ANO2: variants seen among roughly 807,000 people sequenced by gnomAD.
ANO2 encodes the protein anoctamin-2.
A neutral mutation model predicts 124.2 loss-of-function variants in ANO2; 101 were observed. The observed-to-expected ratio is 0.81, with a 90% CI of 0.69 to 0.96. The LOEUF is 0.96. Among genes scored for constraint, ANO2 ranks in the 40% least tolerant of loss-of-function variants. The pLI is 0.00. For missense variants in ANO2, 1,293 were observed against 1,274.5 expected, an observed-to-expected ratio of 1.01 and a Z score of -0.22; for synonymous variants, 486 against 482.5, an observed-to-expected ratio of 1.01 and a Z score of -0.09.
intron 16 of ANO2, among the ~76,000 whole-genome samples, chr12:5,622,915 G>A (rs1199675260): frequency 6.7e-6 from 1 of 148,284 alleles, no homozygotes; most frequent in Non-Finnish European, 1.5e-5. Context: ...AGTGAGCTGA[G>A]ATCGTGCCAC....
intron 14 of ANO2, among the ~76,000 whole-genome samples, chr12:5,693,379 A>T (rs1313190870): frequency 6.6e-6 from 1 of 152,056 alleles, no homozygotes. Context: ...ATATTGAATG[A>T]TTTGCCTTTG....
At chr12:5,805,319 C>T (rs753674279) in intron 9 of ANO2, among the ~76,000 whole-genome samples, 2 of 152,148 alleles carry the variant, frequency 1.3e-5, no homozygotes, top group African/African-American at 4.8e-5. Context: ...ACCCTCCCAC[C>T]ATCGCCCACC....
At chr12:5,846,970 G>C (rs890503152) in intron 4 of ANO2, among the ~76,000 whole-genome samples, 21 of 152,222 alleles carry the variant, frequency 1.4e-4, no homozygotes, top group African/African-American at 4.8e-4. Flanking sequence ...GACTTGGAAA[G>C]TACAAGCCTT....
chr12:5,854,476 G>A (rs539838319), intron 3 of ANO2, among the ~76,000 whole-genome samples: 19 of 149,904 alleles, frequency 1.3e-4, no homozygotes, highest in African/African-American at 3.2e-4. Flanking sequence ...TGATTTTCAC[G>A]GAAATCTCAT....
intron 3 of ANO2, among the ~76,000 whole-genome samples, chr12:5,889,206 C>G (rs923821436): frequency 3.9e-5 from 6 of 152,162 alleles, no homozygotes; most frequent in Admixed American, 6.5e-5. Context: ...CCACGCGCAG[C>G]CCTGGTTCCC....
At chr12:5,584,307 T>C (rs551108482) in intron 20 of ANO2, among the ~76,000 whole-genome samples, 73 of 152,248 alleles carry the variant, frequency 4.8e-4, no homozygotes, top group Non-Finnish European at 1.0e-3. Context: ...CGGAGGGCCC[T>C]TTCTCCTCAC....
chr12:5,862,894 A>G lies in ANO2; in HGVS notation c.535-8753T>C, dbSNP rs150262987. On this transcript the variant is annotated intron_variant, in intron 3 of 24. Coordinates refer to ENST00000682330, the MANE Select transcript of ANO2 (RefSeq NM_001364791.2). The surrounding 1 kb of genome is among the most constrained non-coding windows in gnomAD (Gnocchi z 4.0). ...CAACCTCCACCTCCCAGGTTCAAGCAATCCTCCAGCCTCAGCCTCCTGAGT... is the reference window on the plus strand; with the variant it reads ...CAACCTCCACCTCCCAGGTTCAAGCGATCCTCCAGCCTCAGCCTCCTGAGT... Among the ~76,000 whole-genome samples the G allele has an allele frequency of 0.017, 2,635 of 152,220 alleles. 67 individuals carry two copies. The highest frequency in any genetic ancestry group is 0.056 in the African/African-American group (2,332 of 41,540).
At position 5,563,148 on chromosome 12, in the gene ANO2, G is replaced by T; in HGVS notation, c.*151C>A. The T allele has an allele frequency of 1.9e-6, 2 of 1,039,314 alleles. No homozygotes were observed. The highest frequency in any genetic ancestry group is 2.7e-6 in the Non-Finnish European group (2 of 738,210). The allele number at this position is 1,039,314 out of a possible 1,614,324, so 64.4% of individuals were successfully genotyped here. On this transcript the variant is annotated 3_prime_UTR_variant, in exon 25 of 25. Coordinates refer to ENST00000682330, the MANE Select transcript of ANO2 (RefSeq NM_001364791.2). ...CTTCCTTCCTACACTCATTCTGTCA[G>T]GCTCTTTCTTTTTACACACTGCCCC...
At chr12:5,831,627 T>G (rs12581411) in intron 5 of ANO2, among the ~76,000 whole-genome samples, 8,049 of 152,006 alleles carry the variant, frequency 0.053, 341 homozygotes, top group East Asian at 0.24. Context: ...GGTAAATATA[T>G]GCAAATGAAA....
intron 14 of ANO2, among the ~76,000 whole-genome samples, chr12:5,706,955 G>C (rs1463018690): frequency 6.6e-6 from 1 of 152,150 alleles, no homozygotes; most frequent in African/African-American, 2.4e-5. Flanking sequence ...CCCAACTTCT[G>C]CACTTGCCAG....
At chr12:5,731,271 G>A (rs1375453777) in intron 14 of ANO2, among the ~76,000 whole-genome samples, 3 of 151,878 alleles carry the variant, frequency 2.0e-5, no homozygotes, top group African/African-American at 7.3e-5. Context: ...TTATTTCCCT[G>A]AATAATTGGT....
At chr12:5,796,469 T>TAC (rs145933132) in intron 10 of ANO2, among the ~76,000 whole-genome samples, 45,192 of 150,110 alleles carry the variant, frequency 0.3, 6,977 homozygotes, top group African/African-American at 0.36. Context: ...CTCTTGCACA[T>TAC]ACACACACAC....
At chr12:5,703,875 C>A (rs1371871202) in intron 14 of ANO2, among the ~76,000 whole-genome samples, 1 of 152,084 alleles carries the variant, frequency 6.6e-6, no homozygotes, top group Non-Finnish European at 1.5e-5. Flanking sequence ...TCTGTGTATA[C>A]AAAATATTTC....
At chr12:5,705,386 C>G (rs1306344968) in intron 14 of ANO2, among the ~76,000 whole-genome samples, 3 of 152,204 alleles carry the variant, frequency 2.0e-5, no homozygotes, top group African/African-American at 7.2e-5. Context: ...AGCAAAGATA[C>G]AAGGGCAGCA....
At chr12:5,733,718 G>A (rs1206330556) in intron 13 of ANO2, among the ~76,000 whole-genome samples, 15 of 152,156 alleles carry the variant, frequency 9.9e-5, no homozygotes, top group East Asian at 3.9e-4. Context: ...AACTGCAGGC[G>A]GTGCCATTCT....
rs773114783 is a variant in ANO2, at chr12:5,851,991, A to T, written c.633+2052T>A. 3 of 729,000 alleles carry T rather than the reference A, an allele frequency of 4.1e-6. No individual in the cohort carries two copies. The South Asian group carries it at 4.3e-5, about 11-fold the overall frequency. The allele number at this position is 729,000 out of a possible 1,614,324, so 45.2% of individuals were successfully genotyped here. ...AAGGATCAGCAGCAGAGATTAAAAC[A>T]TAGGAAACAAGACACAAATAGAATG... On this transcript the variant is annotated intron_variant, in intron 4 of 24. Coordinates refer to ENST00000682330, the MANE Select transcript of ANO2 (RefSeq NM_001364791.2).
intron 4 of ANO2, among the ~76,000 whole-genome samples, chr12:5,835,999 G>A (rs150768461): frequency 1.5e-3 from 222 of 152,282 alleles, no homozygotes; most frequent in Admixed American, 2.3e-3. Context: ...GCATGTGTGC[G>A]GTAATTAGTT....
At chr12:5,701,773 T>C (rs1312215877) in intron 14 of ANO2, among the ~76,000 whole-genome samples, 1 of 152,204 alleles carries the variant, frequency 6.6e-6, no homozygotes, top group African/African-American at 2.4e-5. Context: ...CCTTTATTCA[T>C]GCTAATTCCT....
chr12:5,899,288 A>G (rs1430390850), intron 3 of ANO2, among the ~76,000 whole-genome samples: 1 of 152,204 alleles, frequency 6.6e-6, no homozygotes, highest in East Asian at 1.9e-4. Flanking sequence ...CCAAATAGCC[A>G]AAGTGCATGA....
Sources: allele counts gnomAD v4.1 joint callset (sites outside exome capture counted in the v4.1 genomes callset), GRCh38; gene constraint gnomAD v4.1.1; non-coding constraint Gnocchi (gnomAD v3.1); transcripts MANE v1.5; gene names NCBI Gene and HGNC (gene_info 2026-07-23, HGNC 2026-07-21).